Variants in TTC28 observed in about 807,000 individuals in gnomAD.
The protein encoded by TTC28 is tetratricopeptide repeat domain 28.
In TTC28, 61 loss-of-function variants were observed where a neutral mutation model predicts 198.0. That is an observed-to-expected ratio of 0.31 (90% confidence interval 0.25 to 0.38). The LOEUF (loss-of-function observed/expected upper bound fraction) is 0.38, where lower values mean the gene tolerates loss of function less well. TTC28 is among the 10% of genes least tolerant of loss of function. The pLI, the probability that TTC28 is intolerant of heterozygous loss-of-function variation, is 1.00. For missense variants in TTC28, 2,678 were observed against 3,164.0 expected (o/e 0.85, Z 3.69); for synonymous variants, 1,171 against 1,297.8 (o/e 0.90, Z 2.10).
intron 14 of TTC28, among the ~76,000 whole-genome samples, chr22:28,008,855 C>T (rs536731974): frequency 3.3e-5 from 5 of 152,276 alleles, no homozygotes; most frequent in South Asian, 2.1e-4. Context: ...GGAGAGAACT[C>T]GGAGGCAGCC....
chr22:28,017,339 G>A (rs1360171111), intron 13 of TTC28, among the ~76,000 whole-genome samples: 2 of 152,254 alleles, frequency 1.3e-5, no homozygotes, highest in Admixed American at 6.5e-5. Context: ...TGATGTGCCA[G>A]GCACCATGGG....
intron 2 of TTC28, among the ~76,000 whole-genome samples, chr22:28,367,222 T>C (rs2046261947): frequency 6.6e-6 from 1 of 151,736 alleles, no homozygotes; most frequent in Admixed American, 6.6e-5. Context: ...CAAAAAAAAA[T>C]TGAAATAATA....
intron 6 of TTC28, among the ~76,000 whole-genome samples, chr22:28,159,659 A>C (rs1209475635): frequency 8.8e-6 from 1 of 113,966 alleles, no homozygotes; most frequent in Non-Finnish European, 1.9e-5. Flanking sequence ...ACTCTGTCTC[A>C]AAAAAAAAAA....
chr22:27,982,628 T>A lies in TTC28; in HGVS notation c.7039A>T (p.Met2347Leu). The A allele has an allele frequency of 6.4e-7, 1 of 1,551,624 alleles. No homozygotes were observed. Among genetic ancestry groups the A allele is most frequent in the Non-Finnish European group, 8.7e-7 (1 of 1,147,004 alleles). The stretch of plus-strand genomic sequence containing the variant: ...TGCACCTTTTCATCAATGGCTGCCA[T>A]TTTCAGTTTGTCTATGTCGGGAGCG... ...ADAPDIDKLK[M>L]AAIDEKVQAV... is the part of the protein sequence containing the mutation. The change falls in exon 23 of 23, where the codon ATG (methionine) becomes TTG (leucine). Residue 2347 changes from methionine (M) to leucine (L), a missense_variant. Met to Leu is a conservative substitution (Grantham distance 15, BLOSUM62 2). Transcript: ENST00000397906. This position sits in a 1 kb window ranked among gnomAD's most constrained non-coding sequence, Gnocchi z 5.2.
chr22:28,569,253 G>T (rs1288652799), intron 2 of TTC28, among the ~76,000 whole-genome samples: 2 of 151,914 alleles, frequency 1.3e-5, no homozygotes, highest in African/African-American at 2.4e-5. Context: ...CAAGTAAAAA[G>T]AACAGAGCCA....
chr22:28,212,110 G>C (rs1210448466), intron 5 of TTC28, among the ~76,000 whole-genome samples: 1 of 152,126 alleles, frequency 6.6e-6, no homozygotes, highest in African/African-American at 2.4e-5. Flanking sequence ...CAGAATCTCT[G>C]GGACACATTT....
chr22:28,259,851 C>A (rs887114352), intron 5 of TTC28, among the ~76,000 whole-genome samples: 8 of 152,066 alleles, frequency 5.3e-5, no homozygotes, highest in East Asian at 1.9e-4. Context: ...GACATGGTCA[C>A]ATGATTTCTC....
At chr22:28,335,258 C>G (rs955680628) in intron 2 of TTC28, among the ~76,000 whole-genome samples, 16 of 152,090 alleles carry the variant, frequency 1.1e-4, no homozygotes, top group African/African-American at 3.6e-4. Flanking sequence ...GTTACTGTAG[C>G]CTTGTAGTAT....
intron 5 of TTC28, among the ~76,000 whole-genome samples, chr22:28,246,107 C>T (rs1930075706): frequency 6.6e-6 from 1 of 152,110 alleles, no homozygotes; most frequent in African/African-American, 2.4e-5. Context: ...TTTAAGAGCC[C>T]AACATCGTCC....
intron 12 of TTC28, among the ~76,000 whole-genome samples, chr22:28,081,593 A>G (rs1262564483): frequency 1.3e-5 from 2 of 151,606 alleles, no homozygotes; most frequent in Non-Finnish European, 2.9e-5. Flanking sequence ...CCTGGGTTCA[A>G]GTGATTCTCC....
chr22:28,658,211 C>T (rs2051690628), intron 1 of TTC28, among the ~76,000 whole-genome samples: 1 of 152,114 alleles, frequency 6.6e-6, no homozygotes, highest in Admixed American at 6.6e-5. Context: ...TTCTCTTTCA[C>T]AACTCCCTCT....
chr22:28,498,586 C>T (rs1453581711), intron 2 of TTC28, among the ~76,000 whole-genome samples: 3 of 152,126 alleles, frequency 2.0e-5, no homozygotes, highest in Non-Finnish European at 4.4e-5. Context: ...AAAGGGGCTC[C>T]CTTGGTTTCA....
At chr22:28,592,281 T>C (rs1370788520) in intron 2 of TTC28, among the ~76,000 whole-genome samples, 14 of 151,920 alleles carry the variant, frequency 9.2e-5, no homozygotes, top group African/African-American at 3.1e-4. Flanking sequence ...AACCCAAAAG[T>C]GTGAGGCTAC....
intron 5 of TTC28, among the ~76,000 whole-genome samples, chr22:28,295,080 A>T (rs543038808): frequency 2.6e-5 from 4 of 152,312 alleles, no homozygotes; most frequent in Admixed American, 6.5e-5. Context: ...TTTGGGCAAT[A>T]AGAAAAGTGT....
chr22:28,568,081 T>C (rs2050008236), intron 2 of TTC28, among the ~76,000 whole-genome samples: 1 of 152,194 alleles, frequency 6.6e-6, no homozygotes, highest in East Asian at 1.9e-4. Flanking sequence ...AAAGTTATCA[T>C]GGTATACCAA....
At chr22:28,377,200 T>TAA (rs377093229) in intron 2 of TTC28, among the ~76,000 whole-genome samples, 31 of 107,872 alleles carry the variant, frequency 2.9e-4, no homozygotes, top group South Asian at 8.7e-4. Context: ...TATTGTAAAG[T>TAA]AAAAAAAAAA....
intron 2 of TTC28, among the ~76,000 whole-genome samples, chr22:28,395,745 A>G (rs1244211738): frequency 6.6e-6 from 1 of 152,138 alleles, no homozygotes; most frequent in Non-Finnish European, 1.5e-5. Context: ...CCCCTGACAT[A>G]TGCTGCTCAA....
At chr22:28,271,354 TA>T (rs1838159768) in intron 5 of TTC28, among the ~76,000 whole-genome samples, 1 of 152,222 alleles carries the variant, frequency 6.6e-6, no homozygotes, top group African/African-American at 2.4e-5. Context: ...CTCTAGTTAA[TA>T]AACACTTCTT....
rs911085276 is a variant in TTC28, at chr22:28,001,562, C to G, written c.4219-9G>C. 4.5e-6 allele frequency: 7 copies of G among 1,546,728 alleles called. No individual in the cohort carries two copies. Among genetic ancestry groups the G allele is most frequent in the Admixed American group, 2.0e-5 (1 of 50,944 alleles). ...CTGGAGTGCATCAGGCCCTATGGAG[C>G]AAGCACGGAGAGGCTGACATGGGTG... On this transcript the variant is annotated splice_polypyrimidine_tract_variant and intron_variant, in intron 14 of 22. Transcript: ENST00000397906.
Sources: allele counts gnomAD v4.1 joint callset (sites outside exome capture counted in the v4.1 genomes callset), GRCh38; gene constraint gnomAD v4.1.1; non-coding constraint Gnocchi (gnomAD v3.1); transcripts MANE v1.5; gene names NCBI Gene and HGNC (gene_info 2026-07-23, HGNC 2026-07-21).